Variants in UBE2G1 observed in about 807,000 individuals in gnomAD.
UBE2G1 encodes ubiquitin-conjugating enzyme E2 G1.
Under a neutral mutation model 22.7 loss-of-function variants are expected in UBE2G1, and 5 were observed. The observed-to-expected ratio is 0.22, with a 90% CI of 0.12 to 0.46. The LOEUF (loss-of-function observed/expected upper bound fraction) is 0.46. UBE2G1 is among the 20% of genes least tolerant of loss of function. The probability of loss-of-function intolerance (pLI) is 0.99; values close to 1 mark genes in which losing one functional copy is unlikely to be tolerated. For missense variants in UBE2G1, 88 were observed against 203.9 expected (o/e 0.43, Z 3.46); for synonymous variants, 74 against 67.5 (o/e 1.10, Z -0.47).
At chr17:4,288,137 G>A (rs1297347463) in intron 4 of UBE2G1, among the ~76,000 whole-genome samples, 2 of 152,198 alleles carry the variant, frequency 1.3e-5, no homozygotes, top group Non-Finnish European at 2.9e-5. Flanking sequence ...GGTGAACCTA[G>A]GTGAAAGGTA....
chr17:4,302,470 G>A (rs1032547540), intron 2 of UBE2G1: 7 of 491,858 alleles, frequency 1.4e-5, no homozygotes, highest in Non-Finnish European at 2.5e-5. Flanking sequence ...AACTGCATAT[G>A]GCTTCACGCA....
chr17:4,309,689 A>G (rs538293372), intron 1 of UBE2G1, among the ~76,000 whole-genome samples: 1 of 152,316 alleles, frequency 6.6e-6, no homozygotes, highest in Admixed American at 6.5e-5. Context: ...AAACACCATT[A>G]CATTACTCGG....
chr17:4,285,931 C>A (rs546514075), intron 4 of UBE2G1, among the ~76,000 whole-genome samples: 22 of 142,834 alleles, frequency 1.5e-4, no homozygotes, highest in Non-Finnish European at 2.3e-4. Flanking sequence ...AGCCTGGCGA[C>A]AGAGCGAGAC....
intron 2 of UBE2G1, among the ~76,000 whole-genome samples, chr17:4,300,087 CTT>C (rs35118148): frequency 2.0e-5 from 3 of 146,546 alleles, no homozygotes; most frequent in Non-Finnish European, 4.5e-5. Flanking sequence ...GGCCTACCTG[CTT>C]TTTTTTTTTG....
chr17:4,359,160 TC>T (rs1430688635), intron 1 of UBE2G1, among the ~76,000 whole-genome samples: 4 of 152,120 alleles, frequency 2.6e-5, no homozygotes, highest in African/African-American at 9.7e-5. Context: ...GAAAAGTGTC[TC>T]CTGACATAAA....
intron 1 of UBE2G1, among the ~76,000 whole-genome samples, chr17:4,319,028 A>AT (rs1163909744): frequency 1.3e-5 from 2 of 152,268 alleles, no homozygotes; most frequent in African/African-American, 4.8e-5. Context: ...AATCATGGTC[A>AT]TAACTTTCAG....
At chr17:4,325,399 C>A (rs1311909211) in intron 1 of UBE2G1, among the ~76,000 whole-genome samples, 1 of 152,134 alleles carries the variant, frequency 6.6e-6, no homozygotes, top group East Asian at 1.9e-4. Flanking sequence ...TTTTAAATAA[C>A]TCTTAAAATT....
chr17:4,300,929 T>C (rs1969170074), intron 2 of UBE2G1, among the ~76,000 whole-genome samples: 2 of 148,308 alleles, frequency 1.3e-5, no homozygotes, highest in South Asian at 4.2e-4. Context: ...TCAGACTCTG[T>C]TTTCAAACAA....
intron 5 of UBE2G1, among the ~76,000 whole-genome samples, chr17:4,274,850 C>T (rs913307864): frequency 2.6e-5 from 4 of 152,020 alleles, no homozygotes; most frequent in South Asian, 2.1e-4. Flanking sequence ...ACCAGGAGTT[C>T]GAGACCAGCC....
At chr17:4,357,009 A>G (rs952758555) in intron 1 of UBE2G1, among the ~76,000 whole-genome samples, 4 of 152,134 alleles carry the variant, frequency 2.6e-5, no homozygotes, top group African/African-American at 7.2e-5. Flanking sequence ...CTCTAGCACA[A>G]TATCAAACCC....
chr17:4,353,972 T>C lies in UBE2G1; in HGVS notation c.46+12299A>G, dbSNP rs375900091. 7.6e-4 allele frequency among the ~76,000 whole-genome samples: 116 copies of C among 151,994 alleles called. 3 individuals carry two copies. The East Asian group carries it at 0.016, about 21-fold the overall frequency. ...TGCTGGGATTACAGGTGTGAGTCAC[T>C]GCACCTGGCCTACCCCAGCATTTTT... On this transcript the variant is annotated intron_variant, in intron 1 of 5. Coordinates refer to ENST00000396981, the MANE Select transcript of UBE2G1 (RefSeq NM_003342.5).
intron 1 of UBE2G1, among the ~76,000 whole-genome samples, chr17:4,364,663 G>A (rs976385323): frequency 2.7e-5 from 4 of 147,092 alleles, no homozygotes; most frequent in African/African-American, 1.0e-4. Flanking sequence ...TCACTGCAAC[G>A]ATGCCTCCCG....
chr17:4,279,785 T>TTTATA (rs1334257201), intron 5 of UBE2G1, among the ~76,000 whole-genome samples: 1 of 68,852 alleles, frequency 1.5e-5, no homozygotes, highest in African/African-American at 4.3e-5. Context: ...CAAAAAAAAG[T>TTTATA]TATATATATA....
intron 1 of UBE2G1, 48 bp downstream of exon 1, chr17:4,366,223 T>C: frequency 6.7e-7 from 1 of 1,503,442 alleles, no homozygotes; most frequent in African/African-American, 1.4e-5. Flanking sequence ...GGGCTGCGGC[T>C]GTCCGCGATC....
chr17:4,346,820 T>C (rs991895515), intron 1 of UBE2G1, among the ~76,000 whole-genome samples: 3 of 152,048 alleles, frequency 2.0e-5, no homozygotes, highest in Non-Finnish European at 4.4e-5. Flanking sequence ...TTGCTGAGTA[T>C]CTATATATGC....
At chr17:4,359,629 G>A (rs1969944168) in intron 1 of UBE2G1, among the ~76,000 whole-genome samples, 1 of 152,132 alleles carries the variant, frequency 6.6e-6, no homozygotes, top group African/African-American at 2.4e-5. Flanking sequence ...CCAACACTTT[G>A]GGAGGCCAAG....
At chr17:4,290,364 T>C (rs573505757) in intron 3 of UBE2G1, among the ~76,000 whole-genome samples, 2 of 152,362 alleles carry the variant, frequency 1.3e-5, no homozygotes, top group East Asian at 3.9e-4. Context: ...AACATCAGTA[T>C]TTCTGCTGTT....
chr17:4,363,728 G>A (rs1969994975), intron 1 of UBE2G1, among the ~76,000 whole-genome samples: 1 of 151,960 alleles, frequency 6.6e-6, no homozygotes, highest in African/African-American at 2.4e-5. Context: ...TGAGACGGGC[G>A]GATCACGAGG....
chr17:4,330,122 C>T (rs1198067068), intron 1 of UBE2G1, among the ~76,000 whole-genome samples: 4 of 151,876 alleles, frequency 2.6e-5, no homozygotes, highest in Admixed American at 1.3e-4. Flanking sequence ...CATGCATCTA[C>T]GAAGTTTTAC....
Sources: allele counts gnomAD v4.1 joint callset (sites outside exome capture counted in the v4.1 genomes callset), GRCh38; gene constraint gnomAD v4.1.1; transcripts MANE v1.5; gene names NCBI Gene and HGNC (gene_info 2026-07-23, HGNC 2026-07-21).